The following ZNF217 variants were observed in gnomAD, a reference collection of about 807,000 sequenced individuals.
ZNF217 encodes zinc finger protein 217.
A neutral mutation model predicts 73.3 loss-of-function variants in ZNF217; 12 were observed. The observed-to-expected ratio is 0.16, with a 90% CI of 0.10 to 0.27. The LOEUF is 0.27. Among genes scored for constraint, ZNF217 ranks in the 10% least tolerant of loss-of-function variants. The pLI, the probability that ZNF217 is intolerant of heterozygous loss-of-function variation, is 1.00. For missense variants in ZNF217, 1,195 were observed against 1,327.8 expected (o/e 0.90, Z 1.55); for synonymous variants, 588 against 516.4 (o/e 1.14, Z -1.88).
rs754462316 is a variant in ZNF217, at chr20:53,578,328, C to A, written c.1483+6G>T. The A allele has an allele frequency of 3.2e-5, 49 of 1,550,144 alleles. No homozygotes were observed. The highest frequency in any genetic ancestry group is 8.7e-5 in the Admixed American group (4 of 45,734). On this transcript the variant is annotated splice_donor_region_variant and intron_variant, in intron 3 of 5. Transcript: ENST00000371471. ...ATGCATGGTTAAAAAAATAAAAGTT[C>A]TTTACCTGTATGCGTTCTGAGATGA...
At chr20:53,583,699 G>A (rs561420439) in intron 1 of ZNF217, among the ~76,000 whole-genome samples, 1 of 152,348 alleles carries the variant, frequency 6.6e-6, no homozygotes, top group Admixed American at 6.5e-5. Flanking sequence ...CACATACAGA[G>A]GTCAACAAAA....
rs994314736 is a variant in ZNF217, at chr20:53,569,135, C to T, written c.*153G>A. The stretch of plus-strand genomic sequence containing the variant: ...ACAACTTTACACAACTGTAGTGTTC[C>T]TTGCAGATTCCTCATATGTTTTATG... On this transcript the variant is annotated 3_prime_UTR_variant, in exon 6 of 6. Coordinates refer to ENST00000371471, the MANE Select transcript of ZNF217 (RefSeq NM_006526.3). 1.5e-6 allele frequency: 2 copies of T among 1,335,766 alleles called. No individual in the cohort carries two copies. Among genetic ancestry groups the T allele is most frequent in the African/African-American group, 3.0e-5 (2 of 66,932 alleles). The allele number at this position is 1,335,766 out of a possible 1,614,324, so 82.7% of individuals were successfully genotyped here.
Position 53,567,529 on chromosome 20 carries a change from AT to A in ZNF217, c.*1758del, listed in dbSNP as rs1405308066. 4 of 152,512 alleles carry A rather than the reference AT, an allele frequency of 2.6e-5. No individual in the cohort carries two copies. Among genetic ancestry groups the A allele is most frequent in the African/African-American group, 9.7e-5 (4 of 41,408 alleles). 9.4% of individuals were successfully genotyped at this position (152,512 alleles called of 1,614,324 possible). A position where few individuals can be genotyped will look rare whatever the true frequency, so the allele number is the denominator to read the frequency against. On this transcript the variant is annotated 3_prime_UTR_variant, in exon 6 of 6. Coordinates refer to ENST00000371471, the MANE Select transcript of ZNF217 (RefSeq NM_006526.3). ...TCTATTATCACATACCCCCTTTAAG[AT>A]TTATGGTTCTAGTCACAGCAAGCTC...
chr20:53,571,184 A>G (rs1235585545), intron 5 of ZNF217, among the ~76,000 whole-genome samples: 1 of 152,176 alleles, frequency 6.6e-6, no homozygotes, highest in Non-Finnish European at 1.5e-5. Flanking sequence ...TGAGATCCTG[A>G]TAATAAAACA....
At chr20:53,593,498 G>A (rs1357263848) in intron 1 of ZNF217, among the ~76,000 whole-genome samples, 29 of 149,508 alleles carry the variant, frequency 1.9e-4, no homozygotes, top group African/African-American at 7.2e-4. Flanking sequence ...AAGCCCCTCT[G>A]AATCGTGCGG....
upstream of ZNF217, among the ~76,000 whole-genome samples, chr20:53,597,031 A>G (rs1989052083): frequency 7.3e-6 from 1 of 137,302 alleles, no homozygotes; most frequent in South Asian, 2.3e-4. Context: ...CCAACATCTG[A>G]TTTTCTATCC....
At chr20:53,597,305 G>A (rs1989059446), upstream of ZNF217, among the ~76,000 whole-genome samples, 1 of 152,090 alleles carries the variant, frequency 6.6e-6, no homozygotes, top group African/African-American at 2.4e-5. Context: ...GATACGGGAC[G>A]TAAAAGAATT....
At position 53,575,571 on chromosome 20, in the gene ZNF217, C is replaced by T. The variant is rs1029818377; in HGVS notation, c.3037+156G>A. On this transcript the variant is annotated intron_variant, in intron 4 of 5. Coordinates refer to ENST00000371471, the MANE Select transcript of ZNF217 (RefSeq NM_006526.3). ...GTAAGCCTTGGAGGACCACAAACCA[C>T]TGCCGTATCTAAGAATGCTTCTCTC... 1.1e-5 allele frequency: 7 copies of T among 662,234 alleles called. No homozygotes were observed. The African/African-American group carries it at 1.3e-4, about 12-fold the overall frequency. The allele number at this position is 662,234 out of a possible 1,614,324, so 41.0% of individuals were successfully genotyped here. A position where few individuals can be genotyped will look rare whatever the true frequency, so the allele number is the denominator to read the frequency against.
At chr20:53,588,365 G>A (rs528640230) in intron 1 of ZNF217, among the ~76,000 whole-genome samples, 18 of 151,754 alleles carry the variant, frequency 1.2e-4, no homozygotes, top group Non-Finnish European at 2.5e-4. Flanking sequence ...TATAAGGAAA[G>A]TGAATTTTTA....
At chr20:53,594,244 G>T (rs1036067905), upstream of ZNF217, among the ~76,000 whole-genome samples, 1 of 151,850 alleles carries the variant, frequency 6.6e-6, no homozygotes, top group East Asian at 2.0e-4. Context: ...GTCCGGCGCT[G>T]GGGGACTGTT....
chr20:53,578,973 C>A (rs1988386571), intron 2 of ZNF217, among the ~76,000 whole-genome samples: 1 of 152,170 alleles, frequency 6.6e-6, no homozygotes, highest in Admixed American at 6.5e-5. Flanking sequence ...ACTTAATCTT[C>A]AACAGAAAAG....
At position 53,567,392 on chromosome 20, in the gene ZNF217, G is replaced by A. The variant is rs1228225008; in HGVS notation, c.*1896C>T. The A allele has an allele frequency of 6.6e-6, 1 of 152,544 alleles. No homozygotes were observed. The highest frequency in any genetic ancestry group is 1.5e-5 in the Non-Finnish European group (1 of 68,030). The allele number at this position is 152,544 out of a possible 1,614,324, so 9.4% of individuals were successfully genotyped here. ...GGTATTTTTATACATTCAGAAATGT[G>A]GTTAAAAAGAGAAATCTGAAAGCCC... is the stretch of plus-strand genomic sequence containing the variant. On this transcript the variant is annotated 3_prime_UTR_variant, in exon 6 of 6. Transcript: ENST00000371471.
Position 53,576,114 on chromosome 20 carries a change from A to G in ZNF217, c.2650T>C (p.Tyr884His). 1 of 1,614,176 alleles carries G rather than the reference A, an allele frequency of 6.2e-7. No individual in the cohort carries two copies. Among genetic ancestry groups the G allele is most frequent in the Non-Finnish European group, 8.5e-7 (1 of 1,180,018 alleles). The part of the protein sequence containing the change: ...GSSNINGSID[Y>H]PAKNDSPWAP... ...CACGGGCTGTCGTTCTTGGCGGGGT[A>G]GTCGATGGAACCATTGATGTTACTG... is the stretch of plus-strand genomic sequence containing the variant. The change falls in exon 4 of 6, where the codon TAC becomes CAC. Residue 884 changes from tyrosine to histidine, a missense_variant. By Grantham distance (83) the Tyr-to-His change is moderately conservative. Transcript: ENST00000371471.
In ZNF217 at chr20:53,571,734, A is replaced by G. The variant is rs565831531; in HGVS notation, c.*10T>C. On this transcript the variant is annotated 3_prime_UTR_variant, in exon 5 of 6. Transcript: ENST00000371471. ...ACATATGCTCACCTTTTTTCCCCCT[A>G]ATTAGTGAATCAAGTTTTTTTGTCA... 2 of 1,605,990 alleles carry G rather than the reference A, an allele frequency of 1.2e-6. No homozygotes were observed. The highest frequency in any genetic ancestry group is 1.7e-6 in the Non-Finnish European group (2 of 1,177,820).
chr20:53,570,555 A>T (rs759229086), intron 5 of ZNF217: 3 of 152,616 alleles, frequency 2.0e-5, no homozygotes, highest in Non-Finnish European at 2.9e-5. Flanking sequence ...TCATAGTATA[A>T]CCTGTACACA....
rs756792026 is a variant in ZNF217 at position 53,576,322 on chromosome 20, G to C, written c.2442C>G (p.Ala814=). 6.2e-7 allele frequency: 1 copy of C among 1,614,190 alleles called. No individual in the cohort carries two copies. Among genetic ancestry groups the C allele is most frequent in the Non-Finnish European group, 8.5e-7 (1 of 1,180,034 alleles). Reference sequence around the variant, plus strand: ...GTCTGTGGGACTTCAGGTTACTTGGGGCTAAAGTGCTAGAGTCTATCCCTG... The same window carrying C: ...GTCTGTGGGACTTCAGGTTACTTGGCGCTAAAGTGCTAGAGTCTATCCCTG... ...LTSGIDSSTL[A]PSNLKSHRPQ... The change falls in exon 4 of 6, where the codon GCC becomes GCG. Residue 814 remains alanine, a synonymous_variant. Transcript: ENST00000371471.
At chr20:53,595,922 T>C (rs1030105425), upstream of ZNF217, among the ~76,000 whole-genome samples, 23 of 152,242 alleles carry the variant, frequency 1.5e-4, no homozygotes, top group African/African-American at 5.1e-4. Flanking sequence ...AACCTCATTC[T>C]ACATGTTAAT....
At chr20:53,579,267 C>T (rs1203066491) in intron 2 of ZNF217, among the ~76,000 whole-genome samples, 1 of 152,166 alleles carries the variant, frequency 6.6e-6, no homozygotes, top group Non-Finnish European at 1.5e-5. Flanking sequence ...AAATACCACC[C>T]CCAAAACACA....
chr20:53,587,300 C>T (rs1988730586), intron 1 of ZNF217, among the ~76,000 whole-genome samples: 1 of 152,242 alleles, frequency 6.6e-6, no homozygotes, highest in Non-Finnish European at 1.5e-5. Context: ...AATTCTACCA[C>T]TACCTGTAGA....
Sources: allele counts gnomAD v4.1 joint callset (sites outside exome capture counted in the v4.1 genomes callset), GRCh38; gene constraint gnomAD v4.1.1; transcripts MANE v1.5; gene names NCBI Gene and HGNC (gene_info 2026-07-23, HGNC 2026-07-21).